Variants in FSTL5 observed in about 807,000 individuals in gnomAD.
FSTL5 encodes the protein follistatin-related protein 5.
FSTL5 carries 62 observed loss-of-function variants against 89.1 expected under a neutral mutation model. The observed-to-expected ratio is 0.70, with a 90% CI of 0.57 to 0.86. The LOEUF is 0.86. FSTL5 is among the 40% of genes least tolerant of loss of function. The probability of loss-of-function intolerance (pLI) is 0.00; values close to 1 mark genes in which losing one functional copy is unlikely to be tolerated. For synonymous variants in FSTL5, 383 were observed against 346.2 expected (o/e 1.11, Z -1.18); for missense variants, 1,057 against 1,001.6 (o/e 1.06, Z -0.75).
chr4:162,018,702 T>A (rs1346715812), intron 3 of FSTL5, among the ~76,000 whole-genome samples: 1 of 152,022 alleles, frequency 6.6e-6, no homozygotes, highest in African/African-American at 2.4e-5. Flanking sequence ...TTTCTCAAGT[T>A]CCAGAAAACT....
chr4:162,154,799 G>A (rs563269068), intron 1 of FSTL5, among the ~76,000 whole-genome samples: 2 of 151,506 alleles, frequency 1.3e-5, no homozygotes, highest in African/African-American at 4.8e-5. Flanking sequence ...TGAAGTAATT[G>A]TAAACTATGC....
intron 3 of FSTL5, among the ~76,000 whole-genome samples, chr4:162,000,868 A>G (rs1736443971): frequency 6.6e-6 from 1 of 152,072 alleles, no homozygotes; most frequent in African/African-American, 2.4e-5. Context: ...GAAGCACCAA[A>G]TGGGAGAGAG....
At chr4:162,026,304 C>CTTATTTTTTTTTTTTTTTT (rs1737281262) in intron 3 of FSTL5, among the ~76,000 whole-genome samples, 1 of 79,474 alleles carries the variant, frequency 1.3e-5, no homozygotes, top group Non-Finnish European at 2.2e-5. Context: ...TATGTATTTT[C>CTTATTTTTTTTTTTTTTTT]TTTTTTTTTT....
chr4:161,695,726 C>G (rs1015766745), intron 6 of FSTL5, among the ~76,000 whole-genome samples: 2 of 151,960 alleles, frequency 1.3e-5, no homozygotes, highest in African/African-American at 4.8e-5. Context: ...TGATGTTGAG[C>G]ATTTTTTCAT....
chr4:161,491,184 C>T (rs1729862796), intron 12 of FSTL5, among the ~76,000 whole-genome samples: 1 of 151,762 alleles, frequency 6.6e-6, no homozygotes, highest in South Asian at 2.1e-4. Context: ...AACTTGAAAA[C>T]AATATTGAGA....
intron 8 of FSTL5, among the ~76,000 whole-genome samples, chr4:161,573,604 A>T (rs1367089654): frequency 6.6e-6 from 1 of 151,132 alleles, no homozygotes; most frequent in African/African-American, 2.4e-5. Context: ...ATGGTGGTGC[A>T]TGCCTGTAAT....
chr4:161,570,105 T>C (rs1732956176), intron 8 of FSTL5, among the ~76,000 whole-genome samples: 1 of 152,184 alleles, frequency 6.6e-6, no homozygotes, highest in Admixed American at 6.5e-5. Flanking sequence ...AAGACATTAA[T>C]ACAGGAAGAA....
Position 161,530,442 on chromosome 4 carries a change from A to G in FSTL5, c.1312+7724T>C, listed in dbSNP as rs180775636. Among the ~76,000 whole-genome samples, 349 of 144,874 alleles carry G rather than the reference A, an allele frequency of 2.4e-3. 39 individuals are homozygous for G. The highest frequency in any genetic ancestry group is 4.5e-3 in the Non-Finnish European group (293 of 65,674). ...GCAAATAATCTTGTAGACTTTAGCC[A>G]TTTGAAATGTGTTTTTTAAAAAATC... is the stretch of plus-strand genomic sequence containing the variant. On this transcript the variant is annotated intron_variant, in intron 10 of 15. Coordinates refer to ENST00000306100, the MANE Select transcript of FSTL5 (RefSeq NM_020116.5).
intron 2 of FSTL5, among the ~76,000 whole-genome samples, chr4:162,094,596 T>C (rs1579022458): frequency 6.6e-6 from 1 of 152,042 alleles, no homozygotes; most frequent in Middle Eastern, 3.4e-3. Context: ...AAAATAAAAA[T>C]AAAAACAACA....
rs1402887255 is a variant in FSTL5 at position 161,784,901 on chromosome 4, C to CAA, written c.410-8829_410-8828dup. Among the ~76,000 whole-genome samples, 9 of 122,450 alleles carry CAA rather than the reference C, an allele frequency of 7.3e-5. 1 individual carries two copies. The highest frequency in any genetic ancestry group is 2.5e-4 in the South Asian group (1 of 3,940). 80.3% of individuals were successfully genotyped at this position (122,450 alleles called of 152,430 possible). On this transcript the variant is annotated intron_variant, in intron 4 of 15. Coordinates refer to ENST00000306100, the MANE Select transcript of FSTL5 (RefSeq NM_020116.5). ...GAGCAAGACTCCGTCTCAAAAAAAA[C>CAA]AAAAACAAACAAACAAAAAAAAGAA... is the stretch of plus-strand genomic sequence containing the variant.
intron 14 of FSTL5, among the ~76,000 whole-genome samples, chr4:161,458,640 C>T (rs182950194): frequency 2.8e-4 from 43 of 152,284 alleles, no homozygotes; most frequent in Admixed American, 1.2e-3. Context: ...AAAACTCCTT[C>T]CCATTTTCTT....
At chr4:161,784,891 T>C in intron 4 of FSTL5, among the ~76,000 whole-genome samples, 1 of 864 alleles carries the variant, frequency 1.2e-3, no homozygotes, top group African/African-American at 2.3e-3. Flanking sequence ...AGACTCCGTC[T>C]CAAAAAAAAC....
At chr4:162,104,383 G>C (rs1162852662) in intron 2 of FSTL5, among the ~76,000 whole-genome samples, 1 of 152,170 alleles carries the variant, frequency 6.6e-6, no homozygotes, top group Admixed American at 6.5e-5. Flanking sequence ...AGAACACGAG[G>C]CTTGCCACCA....
rs377376012 is a variant in FSTL5, at chr4:161,385,503, A to G, written c.*244T>C. On this transcript the variant is annotated 3_prime_UTR_variant, in exon 16 of 16. Transcript: ENST00000306100. Reference sequence around the variant, plus strand: ...TTATTGTTTAAAGCATAATTTACATATTTGATTCTTGTGACTGATGTGATT... The same window carrying G: ...TTATTGTTTAAAGCATAATTTACATGTTTGATTCTTGTGACTGATGTGATT... The G allele has an allele frequency of 2.4e-6, 1 of 411,590 alleles. No individual in the cohort carries two copies. Among genetic ancestry groups the G allele is most frequent in the Middle Eastern group, 6.6e-4 (1 of 1,526 alleles). The allele number at this position is 411,590 out of a possible 1,614,324, so 25.5% of individuals were successfully genotyped here.
At chr4:161,710,949 A>G (rs1232900922) in intron 6 of FSTL5, among the ~76,000 whole-genome samples, 1 of 152,210 alleles carries the variant, frequency 6.6e-6, no homozygotes, top group Non-Finnish European at 1.5e-5. Flanking sequence ...TAATGCATTC[A>G]AGAAGAAATC....
At chr4:161,669,111 C>CAAAA (rs33950474) in intron 6 of FSTL5, among the ~76,000 whole-genome samples, 91 of 104,620 alleles carry the variant, frequency 8.7e-4, no homozygotes, top group Non-Finnish European at 1.4e-3. Flanking sequence ...GACTCTGTCT[C>CAAAA]AAAAAAAAAA....
At chr4:161,388,095 C>G (rs1707050782) in intron 15 of FSTL5, 2 of 152,036 alleles carry the variant, frequency 1.3e-5, no homozygotes, top group Non-Finnish European at 1.5e-5. Flanking sequence ...TATACTATTA[C>G]CTAATTTTGT....
At chr4:161,549,535 C>G (rs1732129092) in intron 8 of FSTL5, among the ~76,000 whole-genome samples, 1 of 151,824 alleles carries the variant, frequency 6.6e-6, no homozygotes, top group African/African-American at 2.4e-5. Flanking sequence ...ACACTGATTC[C>G]TTTCTGACAT....
At chr4:161,782,064 G>T (rs1289219909) in intron 4 of FSTL5, among the ~76,000 whole-genome samples, 1 of 151,956 alleles carries the variant, frequency 6.6e-6, no homozygotes, top group African/African-American at 2.4e-5. Flanking sequence ...GTCTTTTCAT[G>T]ACCTGATAGC....
Sources: gnomAD v4.1 joint callset for allele counts (sites outside exome capture counted in the v4.1 genomes callset) on GRCh38, gnomAD v4.1.1 for gene constraint, MANE v1.5 for transcripts, NCBI Gene and HGNC (gene_info 2026-07-23, HGNC 2026-07-21) for gene names.